Variants in KYAT1 observed in about 807,000 individuals in gnomAD.
The protein encoded by KYAT1 is kynurenine aminotransferase 1, also known as kynurenine--oxoglutarate transaminase 1.
In KYAT1, 47 loss-of-function variants were observed where a neutral mutation model predicts 52.4. The observed-to-expected ratio is 0.90, with a 90% CI of 0.71 to 1.14. The LOEUF (loss-of-function observed/expected upper bound fraction) is 1.14. Among genes scored for constraint, KYAT1 ranks in the 50% most tolerant of loss-of-function variants. The probability of loss-of-function intolerance (pLI) is 0.00; values close to 1 mark genes in which losing one functional copy is unlikely to be tolerated. For synonymous variants in KYAT1, 212 were observed against 209.6 expected, an observed-to-expected ratio of 1.01 and a Z score of -0.10; for missense variants, 480 against 557.9, an observed-to-expected ratio of 0.86 and a Z score of 1.41.
intron 1 of KYAT1, among the ~76,000 whole-genome samples, chr9:128,875,256 T>G (rs1363565414): frequency 6.7e-5 from 10 of 149,324 alleles, no homozygotes; most frequent in Non-Finnish European, 1.2e-4. Flanking sequence ...TTGTTTTTTT[T>G]TTTTTTTTGG....
At chr9:128,870,336 T>C (rs192433767) in intron 1 of KYAT1, among the ~76,000 whole-genome samples, 2 of 152,322 alleles carry the variant, frequency 1.3e-5, no homozygotes, top group East Asian at 3.9e-4. Flanking sequence ...TGCTGTAACT[T>C]AGATGAACCT....
intron 1 of KYAT1, among the ~76,000 whole-genome samples, chr9:128,848,077 T>C (rs1382645004): frequency 2.6e-5 from 4 of 152,184 alleles, no homozygotes; most frequent in Admixed American, 1.3e-4. Flanking sequence ...CTCAGCACTT[T>C]GGGAGGCCAA....
At chr9:128,878,869 G>A (rs1463888815) in intron 1 of KYAT1, among the ~76,000 whole-genome samples, 2 of 152,174 alleles carry the variant, frequency 1.3e-5, no homozygotes, top group Non-Finnish European at 2.9e-5. Flanking sequence ...ATAGCCTCGC[G>A]GGAGCCTTGG....
chr9:128,835,345 A>G lies in KYAT1; in HGVS notation c.1100T>C (p.Val367Ala), dbSNP rs1190020171. The stretch of plus-strand genomic sequence containing the variant: ...CACCTTGTTCTTGATCATCCACTTG[A>G]CGAAGCGTCTGTCATAGGGCTCATC... ...AVDEPYDRRFVKWMIKNKGLV... is the reference protein window; with the variant it reads ...AVDEPYDRRFAKWMIKNKGLV... The change falls in exon 11 of 13, where the codon GTC (valine) becomes GCC (alanine). Residue 367 changes from valine to alanine, a missense_variant. Val to Ala is a moderately conservative substitution (Grantham distance 64). Transcript: ENST00000302586. 6.2e-7 allele frequency: 1 copy of G among 1,613,852 alleles called. No homozygotes were observed. The highest frequency in any genetic ancestry group is 1.3e-5 in the African/African-American group (1 of 75,012).
chr9:128,835,833 C>G lies in KYAT1; in HGVS notation c.801G>C (p.Lys267Asn). The part of the protein sequence containing the change: ...GWVLGPDHIM[K>N]HLRTVHQNSV... ...AGTTCTGGTGCACGGTCCGCAGGTG[C>G]TTCATGATGTGATCTGGACCCAGGA... The change falls in exon 9 of 13, where the codon AAG (lysine) becomes AAC (asparagine). Residue 267 changes from lysine (K) to asparagine (N), a missense_variant. Coordinates refer to ENST00000302586, the MANE Select transcript of KYAT1 (RefSeq NM_004059.5). The G allele has an allele frequency of 6.2e-7, 1 of 1,614,056 alleles. No homozygotes were observed. Among genetic ancestry groups the G allele is most frequent in the Admixed American group, 1.7e-5 (1 of 60,002 alleles).
chr9:128,837,162 C>T (rs868744258), intron 6 of KYAT1, among the ~76,000 whole-genome samples: 1 of 152,110 alleles, frequency 6.6e-6, no homozygotes, highest in Admixed American at 6.5e-5. Flanking sequence ...GGCATGGTGG[C>T]GGGTGCCTGT....
upstream of KYAT1, chr9:128,882,274 G>T: frequency 6.5e-6 from 1 of 153,306 alleles, no homozygotes; most frequent in South Asian, 2.0e-4. Context: ...GTGGGGAAAG[G>T]GGCGCGAGCT....
intron 3 of KYAT1, among the ~76,000 whole-genome samples, chr9:128,840,415 C>T (rs1330726585): frequency 6.6e-6 from 1 of 152,216 alleles, no homozygotes; most frequent in African/African-American, 2.4e-5. Context: ...CCCACCACCA[C>T]GCCCAGCTAA....
chr9:128,847,423 G>A, intron 1 of KYAT1: 10 of 1,527,712 alleles, frequency 6.5e-6, no homozygotes, highest in Non-Finnish European at 7.0e-6. Context: ...ATTGGGGTTA[G>A]GGCACTTACA....
At chr9:128,846,922 TGCACTCTCACTA>T in intron 1 of KYAT1, 2 of 1,395,864 alleles carry the variant, frequency 1.4e-6, no homozygotes, top group Non-Finnish European at 1.9e-6. Context: ...CAGTTCCCAC[TGCACTCTCACTA>T]GAGGTGCCAC....
intron 1 of KYAT1, chr9:128,846,778 C>T (rs1329946498): frequency 3.9e-6 from 6 of 1,535,474 alleles, no homozygotes; most frequent in Non-Finnish European, 5.2e-6. Flanking sequence ...CCCTGAGGAA[C>T]CTTCCGTTCC....
At chr9:128,846,959 A>G in intron 1 of KYAT1, 4 of 1,081,208 alleles carry the variant, frequency 3.7e-6, no homozygotes, top group South Asian at 1.6e-5. Flanking sequence ...GTCTCCATCT[A>G]ACAGATGAGG....
intron 1 of KYAT1, 123 bp from the exon 2 acceptor site, chr9:128,845,534 G>C: frequency 1.1e-6 from 1 of 883,514 alleles, no homozygotes; most frequent in Non-Finnish European, 1.8e-6. Flanking sequence ...CCAGGAGGGG[G>C]AAGAGATAGA....
upstream of KYAT1, chr9:128,882,466 G>A (rs973179445): frequency 7.8e-5 from 29 of 369,700 alleles, no homozygotes; most frequent in East Asian, 1.1e-3. Flanking sequence ...GCTCCGCGGC[G>A]CGCGAGCCCC....
intron 11 of KYAT1, among the ~76,000 whole-genome samples, chr9:128,834,847 A>T (rs1412907921): frequency 2.1e-5 from 3 of 140,860 alleles, no homozygotes; most frequent in Non-Finnish European, 4.6e-5. Flanking sequence ...AAAAAAAAAA[A>T]AAAAAAAGGC....
At chr9:128,835,427 C>T (rs1429954335) in intron 10 of KYAT1, 25 bp from the exon 11 acceptor site, 24 of 1,613,512 alleles carry the variant, frequency 1.5e-5, no homozygotes, top group Non-Finnish European at 1.9e-5. Flanking sequence ...CCACACTGAG[C>T]CCCCTGCAGC....
intron 1 of KYAT1, among the ~76,000 whole-genome samples, chr9:128,865,442 A>C (rs1369690955): frequency 7.2e-6 from 1 of 139,734 alleles, no homozygotes; most frequent in Non-Finnish European, 1.5e-5. Flanking sequence ...GGCTCACTGC[A>C]ACCTCTGCCT....
intron 2 of KYAT1, 41 bp downstream of exon 2, chr9:128,845,312 C>T (rs41275928): frequency 0.043 from 68,987 of 1,589,304 alleles, 1,941 homozygotes; most frequent in East Asian, 0.13. Flanking sequence ...AACCCATGCC[C>T]GAGGGGACAC....
intron 1 of KYAT1, among the ~76,000 whole-genome samples, chr9:128,873,074 TAAAA>T (rs549497155): frequency 1.2e-3 from 138 of 118,736 alleles, no homozygotes; most frequent in Admixed American, 5.9e-3. Flanking sequence ...AGACTCCATT[TAAAA>T]AAAAAAAAAA....
Sources: allele counts gnomAD v4.1 joint callset (sites outside exome capture counted in the v4.1 genomes callset), GRCh38; gene constraint gnomAD v4.1.1; transcripts MANE v1.5; gene names NCBI Gene and HGNC (gene_info 2026-07-23, HGNC 2026-07-21).